SLC9B2: variants seen among roughly 807,000 people sequenced by gnomAD.
SLC9B2 encodes the protein sodium/hydrogen exchanger 9B2.
In SLC9B2, 39 loss-of-function variants were observed where a neutral mutation model predicts 52.2. That is an observed-to-expected ratio of 0.75 (90% confidence interval 0.58 to 0.98). The LOEUF is 0.98. Among genes scored for constraint, SLC9B2 ranks in the 50% least tolerant of loss-of-function variants. The pLI is 0.00. For synonymous variants in SLC9B2, 214 were observed against 227.0 expected (o/e 0.94, Z 0.51); for missense variants, 626 against 637.5 (o/e 0.98, Z 0.19).
rs139989243 is a variant in SLC9B2, at chr4:103,057,882, G to A, written c.361C>T (p.Leu121=). 1.3e-5 allele frequency: 21 copies of A among 1,613,692 alleles called. No homozygotes were observed. Among genetic ancestry groups the A allele is most frequent in the Non-Finnish European group, 1.6e-5 (19 of 1,179,912 alleles). Residue 121 remains leucine (L), a synonymous_variant, in exon 4 of 12, where the codon CTA becomes TTA. Coordinates refer to ENST00000394785, the MANE Select transcript of SLC9B2 (RefSeq NM_178833.7). ...PGGNLFGIII[L]FYCAIIGGKL... The stretch of plus-strand genomic sequence containing the variant: ...CCACCAATGATGGCACAATAGAATA[G>A]GATTATAATTCCAAATAGGTTTCCT...
intron 3 of SLC9B2, 39 bp from the exon 4 acceptor site, chr4:103,058,010 T>C: frequency 6.5e-7 from 1 of 1,546,510 alleles, no homozygotes; most frequent in East Asian, 2.3e-5. Context: ...ATCAATAAGT[T>C]GTCACATGGA....
chr4:103,066,573 G>A, intron 2 of SLC9B2, 66 bp from the exon 3 acceptor site: 4 of 1,417,542 alleles, frequency 2.8e-6, no homozygotes, highest in South Asian at 2.8e-5. Context: ...TATAGGTACT[G>A]CATCATCACC....
chr4:103,053,101 C>T (rs1744834470), intron 4 of SLC9B2, among the ~76,000 whole-genome samples: 1 of 151,954 alleles, frequency 6.6e-6, no homozygotes, highest in Non-Finnish European at 1.5e-5. Context: ...TCATCCACTC[C>T]CAAGTTTTTT....
intron 3 of SLC9B2, among the ~76,000 whole-genome samples, chr4:103,062,390 G>A (rs1745735540): frequency 6.6e-6 from 1 of 150,438 alleles, no homozygotes; most frequent in Non-Finnish European, 1.5e-5. Flanking sequence ...TTGCACTCCA[G>A]CCTGGGCAAC....
downstream of SLC9B2, chr4:103,020,170 G>A (rs1741682954): frequency 3.4e-6 from 1 of 297,974 alleles, no homozygotes; most frequent in African/African-American, 2.3e-5. Flanking sequence ...GAGAATAAAT[G>A]AGACATGGCA....
intron 1 of SLC9B2, 126 bp from the exon 2 acceptor site, chr4:103,067,718 C>T (rs1746272431): frequency 3.4e-6 from 2 of 587,602 alleles, no homozygotes; most frequent in Admixed American, 3.0e-5. Flanking sequence ...TTAGACTATT[C>T]TTAATTTTCA....
At chr4:103,054,812 T>C (rs1277313500) in intron 4 of SLC9B2, among the ~76,000 whole-genome samples, 1 of 152,202 alleles carries the variant, frequency 6.6e-6, no homozygotes, top group African/African-American at 2.4e-5. Context: ...AGTTCAACCA[T>C]TGTGGAAGTC....
At chr4:103,059,151 G>C (rs1745411031) in intron 3 of SLC9B2, among the ~76,000 whole-genome samples, 1 of 152,186 alleles carries the variant, frequency 6.6e-6, no homozygotes, top group South Asian at 2.1e-4. Flanking sequence ...GAAAAAGAGA[G>C]TTGGGGCAGA....
At chr4:103,060,411 T>C (rs1745520105) in intron 3 of SLC9B2, among the ~76,000 whole-genome samples, 1 of 151,978 alleles carries the variant, frequency 6.6e-6, no homozygotes, top group South Asian at 2.1e-4. Flanking sequence ...TTTTAAAAGT[T>C]ACTTGTTTTG....
chr4:103,064,835 A>G (rs1244926829), intron 3 of SLC9B2, among the ~76,000 whole-genome samples: 5 of 152,190 alleles, frequency 3.3e-5, no homozygotes, highest in African/African-American at 1.2e-4. Context: ...AATTCTTTTT[A>G]TATTTTGATG....
Position 103,057,982 on chromosome 4 carries a change from C to G in SLC9B2, c.272-11G>C. On this transcript the variant is annotated splice_polypyrimidine_tract_variant and intron_variant, in intron 3 of 11. Transcript: ENST00000394785. ...GAACAATGATGGTAACTGAAATAAA[C>G]CAGGAATACTAGTTACTATCAATAA... 1 of 1,599,236 alleles carries G rather than the reference C, an allele frequency of 6.3e-7. No individual in the cohort carries two copies. The highest frequency in any genetic ancestry group is 8.5e-7 in the Non-Finnish European group (1 of 1,176,072).
Position 103,043,425 on chromosome 4 carries a change from T to C in SLC9B2, c.1017A>G (p.Arg339=). The part of the protein sequence containing the change: ...SRDQDKLVCK[R]TFLVLGLSVL... ...CAGACAACCCCAACACAAGGAATGT[T>C]CTCTTACACACAAGTTTGTCCTTTA... is the stretch of plus-strand genomic sequence containing the variant. The change falls in exon 9 of 12, where the codon AGA becomes AGG. Residue 339 remains arginine (R), a synonymous_variant. Transcript: ENST00000394785. 6 of 1,608,576 alleles carry C rather than the reference T, an allele frequency of 3.7e-6. No individual in the cohort carries two copies. The highest frequency in any genetic ancestry group is 5.1e-6 in the Non-Finnish European group (6 of 1,178,310).
chr4:103,048,834 A>G (rs1223522271), intron 6 of SLC9B2, 59 bp downstream of exon 6: 2 of 1,585,446 alleles, frequency 1.3e-6, no homozygotes, highest in Admixed American at 1.8e-5. Flanking sequence ...CTTGTATGCA[A>G]TCAGGGAAAG....
chr4:103,072,346 C>T (rs368086130), intron 1 of SLC9B2, among the ~76,000 whole-genome samples: 3 of 152,226 alleles, frequency 2.0e-5, no homozygotes, highest in South Asian at 2.1e-4. Flanking sequence ...CGTGAGCCAC[C>T]GCACCCAGCC....
At chr4:103,048,777 T>C in intron 6 of SLC9B2, 116 bp downstream of exon 6, 1 of 1,226,962 alleles carries the variant, frequency 8.2e-7, no homozygotes, top group Non-Finnish European at 1.1e-6. Context: ...CTGTAACATC[T>C]ATGTTGCATT....
Position 103,067,715 on chromosome 4 carries a change from A to C in SLC9B2, c.-42-123T>G. On this transcript the variant is annotated intron_variant, in intron 1 of 11. Coordinates refer to ENST00000394785, the MANE Select transcript of SLC9B2 (RefSeq NM_178833.7). ...TGGCTAAACTATTTGAAATTAGACT[A>C]TTCTTAATTTTCAATGGCTGGTTAT... 4 of 594,454 alleles carry C rather than the reference A, an allele frequency of 6.7e-6. No homozygotes were observed. The Admixed American group carries it at 1.2e-4, about 18-fold the overall frequency. 36.8% of individuals were successfully genotyped at this position (594,454 alleles called of 1,614,324 possible).
At chr4:103,063,734 CA>C (rs1373169220) in intron 3 of SLC9B2, among the ~76,000 whole-genome samples, 4 of 152,148 alleles carry the variant, frequency 2.6e-5, no homozygotes, top group Non-Finnish European at 4.4e-5. Context: ...GCACAGTAAA[CA>C]ATCCACGGAG....
At chr4:103,055,757 G>A (rs887892846) in intron 4 of SLC9B2, among the ~76,000 whole-genome samples, 5 of 150,428 alleles carry the variant, frequency 3.3e-5, no homozygotes, top group African/African-American at 1.2e-4. Flanking sequence ...TGTTAGAAAT[G>A]AACACAAAAT....
downstream of SLC9B2, among the ~76,000 whole-genome samples, chr4:103,021,237 G>C (rs1406573143): frequency 1.3e-5 from 2 of 151,988 alleles, no homozygotes; most frequent in Admixed American, 6.6e-5. Context: ...AGTGCTTTAG[G>C]GTCCATGTAA....
Sources: gnomAD v4.1 joint callset for allele counts (sites outside exome capture counted in the v4.1 genomes callset) on GRCh38, gnomAD v4.1.1 for gene constraint, MANE v1.5 for transcripts, NCBI Gene and HGNC (gene_info 2026-07-23, HGNC 2026-07-21) for gene names.